Variants in NYAP2 observed in about 807,000 individuals in gnomAD.
NYAP2 encodes neuronal tyrosine-phosphorylated phosphoinositide-3-kinase adapter 2.
NYAP2 carries 23 observed loss-of-function variants against 50.4 expected under a neutral mutation model. The observed-to-expected ratio is 0.46, with a 90% confidence interval of 0.33 to 0.65. NYAP2 has a LOEUF of 0.65. Among genes scored for constraint, NYAP2 ranks in the 30% least tolerant of loss-of-function variants. NYAP2 has a pLI of 0.02. For missense variants in NYAP2, 885 were observed against 861.0 expected, an observed-to-expected ratio of 1.03 and a Z score of -0.35; for synonymous variants, 394 against 365.2, an observed-to-expected ratio of 1.08 and a Z score of -0.90.
At chr2:225,624,903 C>T (rs1693182705) in intron 5 of NYAP2, among the ~76,000 whole-genome samples, 1 of 151,792 alleles carries the variant, frequency 6.6e-6, no homozygotes, top group Admixed American at 6.6e-5. Flanking sequence ...AAGCTGAGGC[C>T]TCTGAGATTC....
intron 5 of NYAP2, among the ~76,000 whole-genome samples, chr2:225,583,686 G>A (rs1204564980): frequency 6.6e-6 from 1 of 151,926 alleles, no homozygotes; most frequent in East Asian, 1.9e-4. Context: ...GGTGGGGGGC[G>A]GAATTAAACA....
the NYAP2 span, among the ~76,000 whole-genome samples, chr2:225,673,923 G>C: frequency 6.6e-6 from 1 of 152,076 alleles, no homozygotes; most frequent in African/African-American, 2.4e-5. Flanking sequence ...TTTATCTTGG[G>C]TACAATGACA....
Position 225,651,591 on chromosome 2 carries a change from G to A in NYAP2, c.*26G>A, listed in dbSNP as rs781242894. 3.7e-6 allele frequency: 6 copies of A among 1,612,484 alleles called. No homozygotes were observed. The East Asian group carries it at 1.3e-4, about 36-fold the overall frequency. ...CTTCCTGTGATACAACTTGCCAAAT[G>A]CTTCCCACCTCTGTCTGTCCTGTTG... On this transcript the variant is annotated 3_prime_UTR_variant, in exon 7 of 7. Transcript: ENST00000636099.
chr2:225,433,554 G>A (rs1344564333), intron 3 of NYAP2, among the ~76,000 whole-genome samples: 1 of 152,034 alleles, frequency 6.6e-6, no homozygotes, highest in Non-Finnish European at 1.5e-5. Context: ...ATGATATTAA[G>A]TGATATGTAT....
chr2:225,448,401 G>A (rs1689597114), intron 3 of NYAP2, among the ~76,000 whole-genome samples: 1 of 152,164 alleles, frequency 6.6e-6, no homozygotes, highest in African/African-American at 2.4e-5. Context: ...TTAAGGGGAT[G>A]GAAGTGGGGA....
intron 5 of NYAP2, among the ~76,000 whole-genome samples, chr2:225,602,341 G>A (rs754696250): frequency 4.6e-5 from 7 of 152,180 alleles, no homozygotes; most frequent in Non-Finnish European, 7.3e-5. Flanking sequence ...AGACAAAGAC[G>A]TGAAGGGGAG....
intron 3 of NYAP2, among the ~76,000 whole-genome samples, chr2:225,484,825 T>A (rs746585528): frequency 6.6e-6 from 1 of 152,260 alleles, no homozygotes; most frequent in Non-Finnish European, 1.5e-5. Flanking sequence ...GCGTGGTCTT[T>A]GCATCAGTGT....
chr2:225,405,017 G>A (rs1694917067), intron 2 of NYAP2, among the ~76,000 whole-genome samples: 1 of 152,018 alleles, frequency 6.6e-6, no homozygotes, highest in Admixed American at 6.6e-5. Context: ...TCAACATTGT[G>A]CATTGCAAAG....
At chr2:225,677,434 C>T in the NYAP2 span, among the ~76,000 whole-genome samples, 1 of 152,102 alleles carries the variant, frequency 6.6e-6, no homozygotes, top group Non-Finnish European at 1.5e-5. Context: ...CTGGCTAGGA[C>T]TTCCAGTACT....
intron 5 of NYAP2, among the ~76,000 whole-genome samples, chr2:225,589,651 C>T (rs1021818339): frequency 6.6e-6 from 1 of 151,138 alleles, no homozygotes; most frequent in African/African-American, 2.4e-5. Context: ...ACTATAATCA[C>T]ACCATTGCTC....
intron 3 of NYAP2, among the ~76,000 whole-genome samples, chr2:225,437,571 T>G (rs575809076): frequency 2.0e-5 from 3 of 152,268 alleles, no homozygotes; most frequent in African/African-American, 7.2e-5. Flanking sequence ...TCACAATGCA[T>G]GGTAGTATTT....
intron 3 of NYAP2, among the ~76,000 whole-genome samples, chr2:225,449,750 A>T (rs977428755): frequency 9.9e-5 from 15 of 151,934 alleles, no homozygotes; most frequent in African/African-American, 3.4e-4. Flanking sequence ...CTGGGATTAT[A>T]GGTGCCTGCC....
At chr2:225,424,655 C>T (rs1319400405) in intron 3 of NYAP2, among the ~76,000 whole-genome samples, 1 of 151,656 alleles carries the variant, frequency 6.6e-6, no homozygotes, top group Admixed American at 6.6e-5. Flanking sequence ...TTTGGAATTC[C>T]CTCAAATTGT....
At chr2:225,691,762 C>A in the NYAP2 span, among the ~76,000 whole-genome samples, 15 of 152,194 alleles carry the variant, frequency 9.9e-5, no homozygotes, top group African/African-American at 3.1e-4. Flanking sequence ...GGGTTTCATG[C>A]CTTCTCTTCC....
intron 5 of NYAP2, among the ~76,000 whole-genome samples, chr2:225,607,349 A>G (rs1164396065): frequency 6.6e-6 from 1 of 152,080 alleles, no homozygotes; most frequent in Non-Finnish European, 1.5e-5. Context: ...TCTTTGTACT[A>G]TGCCAGTCTA....
intron 3 of NYAP2, among the ~76,000 whole-genome samples, chr2:225,440,513 A>G (rs796699564): frequency 5.9e-5 from 9 of 152,328 alleles, no homozygotes; most frequent in African/African-American, 1.9e-4. Context: ...GCAATAATAA[A>G]TGCTCAATAA....
chr2:225,514,937 C>G (rs1574653369), intron 4 of NYAP2, among the ~76,000 whole-genome samples: 1 of 152,154 alleles, frequency 6.6e-6, no homozygotes, highest in South Asian at 2.1e-4. Context: ...GCTCCCTAGT[C>G]CCTCATGAAA....
At chr2:225,528,372 G>A (rs1691191979) in intron 4 of NYAP2, among the ~76,000 whole-genome samples, 1 of 152,102 alleles carries the variant, frequency 6.6e-6, no homozygotes, top group South Asian at 2.1e-4. Flanking sequence ...TTTTCTCTTT[G>A]TCTTTCCTTT....
intron 5 of NYAP2, among the ~76,000 whole-genome samples, chr2:225,603,174 C>A (rs1692722675): frequency 6.6e-6 from 1 of 151,958 alleles, no homozygotes; most frequent in African/African-American, 2.4e-5. Flanking sequence ...GTATTTTATT[C>A]TTTTTCATGG....
Sources: gnomAD v4.1 joint callset for allele counts (sites outside exome capture counted in the v4.1 genomes callset) on GRCh38, gnomAD v4.1.1 for gene constraint, MANE v1.5 for transcripts, NCBI Gene and HGNC (gene_info 2026-07-23, HGNC 2026-07-21) for gene names.